UNC5D: variants seen among roughly 807,000 people sequenced by gnomAD.
UNC5D encodes unc-5 netrin receptor D, also known as netrin receptor UNC5D.
Under a neutral mutation model 105.4 loss-of-function variants are expected in UNC5D, and 39 were observed. That is an observed-to-expected ratio of 0.37 (90% confidence interval 0.29 to 0.48). The LOEUF is 0.48. Among genes scored for constraint, UNC5D ranks in the 20% least tolerant of loss-of-function variants. UNC5D has a pLI of 0.98. For missense variants in UNC5D, 991 were observed against 1,202.4 expected (o/e 0.82, Z 2.60); for synonymous variants, 452 against 450.4 (o/e 1.00, Z -0.04).
intron 4 of UNC5D, among the ~76,000 whole-genome samples, chr8:35,629,354 T>C (rs935592983): frequency 1.3e-5 from 2 of 152,228 alleles, no homozygotes; most frequent in Non-Finnish European, 2.9e-5. Flanking sequence ...TTTTGAGAAA[T>C]GTCTGTTCGT....
chr8:35,721,371 A>C, intron 8 of UNC5D: 1 of 702,224 alleles, frequency 1.4e-6, no homozygotes, highest in East Asian at 2.7e-5. Context: ...AAGCAGCTAT[A>C]GCACATCTTG....
intron 1 of UNC5D, among the ~76,000 whole-genome samples, chr8:35,384,519 T>C (rs1803262682): frequency 6.6e-6 from 1 of 152,194 alleles, no homozygotes; most frequent in Admixed American, 6.5e-5. Flanking sequence ...CTTCTGTTGT[T>C]AATGCTTGTT....
chr8:35,650,707 G>T (rs1823352875), intron 4 of UNC5D, among the ~76,000 whole-genome samples: 1 of 152,008 alleles, frequency 6.6e-6, no homozygotes, highest in Non-Finnish European at 1.5e-5. Context: ...TCTGACCTCA[G>T]GTGATCCGCC....
intron 1 of UNC5D, among the ~76,000 whole-genome samples, chr8:35,419,434 T>C (rs1311011920): frequency 6.6e-6 from 1 of 152,178 alleles, no homozygotes; most frequent in Non-Finnish European, 1.5e-5. Flanking sequence ...CCCAGCATGC[T>C]GTGACTGTCT....
chr8:35,793,938 T>A lies in UNC5D; in HGVS notation c.*3375T>A, dbSNP rs1803155578. 6.6e-6 allele frequency: 1 copy of A among 152,128 alleles called. No homozygotes were observed. The highest frequency in any genetic ancestry group is 1.5e-5 in the Non-Finnish European group (1 of 68,006). The allele number at this position is 152,128 out of a possible 1,614,324, so 9.4% of individuals were successfully genotyped here. A position where few individuals can be genotyped will look rare whatever the true frequency, so the allele number is the denominator to read the frequency against. On this transcript the variant is annotated 3_prime_UTR_variant, in exon 17 of 17. Transcript: ENST00000404895. ...CTCTGTATTTTTCTTTCAGTTGTCT[T>A]TGGGAGGGGATGTTAAGTCAAATCA...
chr8:35,719,450 A>G (rs1464665623), intron 8 of UNC5D, among the ~76,000 whole-genome samples: 1 of 152,122 alleles, frequency 6.6e-6, no homozygotes, highest in African/African-American at 2.4e-5. Flanking sequence ...AAGAAGAAAG[A>G]AGCACAGTGA....
intron 1 of UNC5D, among the ~76,000 whole-genome samples, chr8:35,333,073 T>C (rs992708513): frequency 6.6e-6 from 1 of 152,094 alleles, no homozygotes; most frequent in African/African-American, 2.4e-5. Flanking sequence ...TTAGGCCAGG[T>C]GTGGTGGTTC....
chr8:35,678,507 G>GA (rs1825427965), intron 4 of UNC5D, among the ~76,000 whole-genome samples: 1 of 151,800 alleles, frequency 6.6e-6, no homozygotes, highest in Non-Finnish European at 1.5e-5. Context: ...TTAACTATCA[G>GA]AAAAAAAGAA....
At chr8:35,522,684 A>G (rs537242971) in intron 1 of UNC5D, among the ~76,000 whole-genome samples, 1 of 152,346 alleles carries the variant, frequency 6.6e-6, no homozygotes, top group South Asian at 2.1e-4. Context: ...GTGAACCTAG[A>G]CAAATTATAA....
intron 8 of UNC5D, among the ~76,000 whole-genome samples, chr8:35,710,635 AAAGACCTGAG>A (rs1420378181): frequency 6.6e-6 from 1 of 152,166 alleles, no homozygotes; most frequent in Non-Finnish European, 1.5e-5. Flanking sequence ...AGAGAAGAGA[AAAGACCTGAG>A]GATGGACCCT....
chr8:35,671,806 G>T (rs200603543), intron 4 of UNC5D, among the ~76,000 whole-genome samples: 7 of 150,368 alleles, frequency 4.7e-5, no homozygotes, highest in East Asian at 3.9e-4. Flanking sequence ...AGTCTTTTTG[G>T]TTTTTTTTTC....
intron 1 of UNC5D, among the ~76,000 whole-genome samples, chr8:35,502,058 G>C (rs765690533): frequency 3.9e-5 from 6 of 152,218 alleles, no homozygotes; most frequent in Non-Finnish European, 8.8e-5. Context: ...GCTGGCAAGA[G>C]AGACTGCTAC....
In UNC5D at chr8:35,429,348, T is replaced by C. The variant is rs1045274070; in HGVS notation, c.104-119944T>C. ...GATTTTCTCCATGAAACCTGTTTTT[T>C]TTTCTTTTTCCTGTATAGGCATTTC... On this transcript the variant is annotated intron_variant, in intron 1 of 16. Coordinates refer to ENST00000404895, the MANE Select transcript of UNC5D (RefSeq NM_080872.4). Among the ~76,000 whole-genome samples the C allele has an allele frequency of 2.0e-5, 3 of 152,214 alleles. No homozygotes were observed. The East Asian group carries it at 5.8e-4, about 29-fold the overall frequency.
intron 16 of UNC5D, among the ~76,000 whole-genome samples, chr8:35,779,536 G>A (rs1802408375): frequency 6.6e-6 from 1 of 152,044 alleles, no homozygotes; most frequent in South Asian, 2.1e-4. Flanking sequence ...TCGGCTTACT[G>A]CAACCTCCAC....
chr8:35,640,112 A>G (rs997673264), intron 4 of UNC5D, among the ~76,000 whole-genome samples: 7 of 152,052 alleles, frequency 4.6e-5, no homozygotes, highest in Admixed American at 4.6e-4. Context: ...GTCTTCATAA[A>G]ATTTTAATTT....
intron 1 of UNC5D, among the ~76,000 whole-genome samples, chr8:35,394,555 A>T (rs905008508): frequency 1.3e-5 from 2 of 152,090 alleles, no homozygotes; most frequent in Admixed American, 6.6e-5. Flanking sequence ...CATCTAGATA[A>T]TTTGAAATTT....
chr8:35,613,464 C>G (rs1820826652), intron 4 of UNC5D, among the ~76,000 whole-genome samples: 1 of 152,248 alleles, frequency 6.6e-6, no homozygotes, highest in South Asian at 2.1e-4. Context: ...AGCAGCCTCA[C>G]CTGGCTCTTT....
At chr8:35,319,551 C>T (rs1809565749) in intron 1 of UNC5D, among the ~76,000 whole-genome samples, 1 of 152,116 alleles carries the variant, frequency 6.6e-6, no homozygotes, top group Admixed American at 6.6e-5. Context: ...TTCTCCATCA[C>T]TTACTTTCCA....
chr8:35,538,395 TTATATATATATATATATATATATATATA>T (rs10524805), intron 1 of UNC5D, among the ~76,000 whole-genome samples: 1,798 of 82,456 alleles, frequency 0.022, 78 homozygotes, highest in African/African-American at 0.067. Flanking sequence ...AAAAAAATAA[TTATATATATATATATATATATATATATA>T]TATATATATA....
Sources: allele counts gnomAD v4.1 joint callset (sites outside exome capture counted in the v4.1 genomes callset), GRCh38; gene constraint gnomAD v4.1.1; transcripts MANE v1.5; gene names NCBI Gene and HGNC (gene_info 2026-07-23, HGNC 2026-07-21).